The following WFDC1 variants were observed in gnomAD, a reference collection of about 807,000 sequenced individuals.
The protein encoded by WFDC1 is WAP four-disulfide core domain 1.
WFDC1 carries 39 observed loss-of-function variants against 32.9 expected under a neutral mutation model. That is an observed-to-expected ratio of 1.19 (90% CI 0.92 to 1.55). The LOEUF (loss-of-function observed/expected upper bound fraction) is 1.55. Among genes scored for constraint, WFDC1 ranks in the 40% most tolerant of loss-of-function variants. WFDC1 has a pLI of 0.00. For missense variants in WFDC1, 386 were observed against 309.5 expected, an observed-to-expected ratio of 1.25 and a Z score of -1.85; for synonymous variants, 184 against 137.4, an observed-to-expected ratio of 1.34 and a Z score of -2.37.
chr16:84,299,088 C>T lies in WFDC1; in HGVS notation c.144+3973C>T, dbSNP rs903124638. ...ATTCCAGGCCGGGCACAGTGGCTCA[C>T]AGTGGCTCATGCCTGTAATCCCAGC... On this transcript the variant is annotated intron_variant, in intron 1 of 6. Transcript: ENST00000219454. Among the ~76,000 whole-genome samples the T allele has an allele frequency of 5.9e-5, 9 of 152,190 alleles. No homozygotes were observed. The East Asian group carries it at 1.7e-3, about 29-fold the overall frequency.
intron 1 of WFDC1, among the ~76,000 whole-genome samples, chr16:84,303,108 C>A (rs188972692): frequency 1.3e-5 from 2 of 151,514 alleles, no homozygotes; most frequent in African/African-American, 4.9e-5. Flanking sequence ...TTAAGGGCCC[C>A]GGGCACCAGG....
At chr16:84,295,190 A>T in intron 1 of WFDC1, 75 bp downstream of exon 1, 2 of 1,559,612 alleles carry the variant, frequency 1.3e-6, no homozygotes, top group Non-Finnish European at 1.7e-6. Context: ...CGATCCCTAG[A>T]CACTGCCTTC....
At position 84,298,778 on chromosome 16, in the gene WFDC1, TAA is replaced by T. The variant is rs1906759306; in HGVS notation, c.144+3664_144+3665del. On this transcript the variant is annotated intron_variant, in intron 1 of 6. Transcript: ENST00000219454. The stretch of plus-strand genomic sequence containing the variant: ...TGAGTGCTGTTTATGCTTCTTGGTC[TAA>T]GCATGCAGAGACAGTGCCAGAGATG... 2.0e-5 allele frequency among the ~76,000 whole-genome samples: 3 copies of T among 152,302 alleles called. No individual in the cohort carries two copies. In the South Asian group the frequency reaches 6.2e-4, roughly 32 times the overall value.
At chr16:84,307,596 G>T (rs1429658386) in intron 1 of WFDC1, among the ~76,000 whole-genome samples, 1 of 152,168 alleles carries the variant, frequency 6.6e-6, no homozygotes, top group Non-Finnish European at 1.5e-5. Flanking sequence ...CCAGGACTGG[G>T]AGGCATTTGT....
Position 84,294,927 on chromosome 16 carries a change from G to T in WFDC1, c.-45G>T. On this transcript the variant is annotated 5_prime_UTR_variant, in exon 1 of 7. Coordinates refer to ENST00000219454, the MANE Select transcript of WFDC1 (RefSeq NM_021197.4). ...CTCACAGGCCCACGCAGCGAGGGGGGCCCCTCTTCTGTGTGCGTCTGGAAG... is the reference window on the plus strand; with the variant it reads ...CTCACAGGCCCACGCAGCGAGGGGGTCCCCTCTTCTGTGTGCGTCTGGAAG... 1 of 1,588,096 alleles carries T rather than the reference G, an allele frequency of 6.3e-7. No individual in the cohort carries two copies. Among genetic ancestry groups the T allele is most frequent in the Non-Finnish European group, 8.6e-7 (1 of 1,166,912 alleles).
chr16:84,305,253 G>A (rs1354428066), intron 1 of WFDC1, among the ~76,000 whole-genome samples: 2 of 152,250 alleles, frequency 1.3e-5, no homozygotes, highest in Non-Finnish European at 2.9e-5. Context: ...TAAGCCTGGT[G>A]TCTGTGTATG....
At chr16:84,317,229 G>T (rs1340848993) in intron 2 of WFDC1, 2 of 152,010 alleles carry the variant, frequency 1.3e-5, no homozygotes, top group Admixed American at 6.6e-5. Flanking sequence ...GGAGGCAGAG[G>T]TTGCAATGAG....
Position 84,294,998 on chromosome 16 carries a change from C to A in WFDC1, c.27C>A (p.Gly9=). Residue 9 remains glycine, a synonymous_variant, in exon 1 of 7, where the codon GGC becomes GGA. Transcript: ENST00000219454. ...TGCCTTTAACCGGCGTGGGGCCGGGCAGCTGCAGGAGGCAGATCATCCGGG... is the reference window on the plus strand; with the variant it reads ...TGCCTTTAACCGGCGTGGGGCCGGGAAGCTGCAGGAGGCAGATCATCCGGG... MPLTGVGP[G]SCRRQIIRAL... is the part of the protein sequence containing the mutation. 1 of 1,613,900 alleles carries A rather than the reference C, an allele frequency of 6.2e-7. No individual in the cohort carries two copies. The highest frequency in any genetic ancestry group is 8.5e-7 in the Non-Finnish European group (1 of 1,179,854).
At chr16:84,303,491 AAGTC>A (rs924697210) in intron 1 of WFDC1, among the ~76,000 whole-genome samples, 2 of 150,566 alleles carry the variant, frequency 1.3e-5, no homozygotes, top group African/African-American at 2.4e-5. Flanking sequence ...AAAAAAAAAA[AAGTC>A]AGGCAACACA....
chr16:84,312,889 C>T, intron 1 of WFDC1, 72 bp from the exon 2 acceptor site: 2 of 1,004,536 alleles, frequency 2.0e-6, no homozygotes, highest in South Asian at 4.9e-5. Flanking sequence ...TGCCCACCCC[C>T]TTGCAAGCTC....
At chr16:84,323,968 A>G (rs1275345476) in intron 4 of WFDC1, among the ~76,000 whole-genome samples, 2 of 152,214 alleles carry the variant, frequency 1.3e-5, no homozygotes, top group Non-Finnish European at 2.9e-5. Flanking sequence ...TCAAAATACA[A>G]AATTGACTGG....
intron 5 of WFDC1, 60 bp from the exon 6 acceptor site, chr16:84,326,821 CG>C (rs34519449): frequency 3.7e-6 from 6 of 1,602,916 alleles, no homozygotes; most frequent in Middle Eastern, 1.7e-4. Flanking sequence ...TGGTGAGCCA[CG>C]GGGGGCATTA....
rs1156293824 is a variant in WFDC1 at position 84,314,820 on chromosome 16, C to G, written c.337+1667C>G. 3.9e-5 allele frequency among the ~76,000 whole-genome samples: 6 copies of G among 152,344 alleles called. No individual in the cohort carries two copies. In the South Asian group the frequency reaches 8.3e-4, roughly 21 times the overall value. ...CTTATCAAAAATGGTGCCCCTTCCT[C>G]TGGAATGTGACCTGACATAGGGATT... On this transcript the variant is annotated intron_variant, in intron 2 of 6. Coordinates refer to ENST00000219454, the MANE Select transcript of WFDC1 (RefSeq NM_021197.4).
chr16:84,304,553 C>T (rs1355985012), intron 1 of WFDC1, among the ~76,000 whole-genome samples: 1 of 152,140 alleles, frequency 6.6e-6, no homozygotes, highest in African/African-American at 2.4e-5. Context: ...CCAGGTAAGG[C>T]ATACAGAACC....
chr16:84,311,681 A>G (rs1426390596), intron 1 of WFDC1, among the ~76,000 whole-genome samples: 2 of 132,972 alleles, frequency 1.5e-5, no homozygotes, highest in Non-Finnish European at 3.1e-5. Context: ...GGAGAGAATG[A>G]GCATGCCTGA....
intron 6 of WFDC1, chr16:84,327,787 A>C (rs1272474503): frequency 1.3e-5 from 2 of 152,174 alleles, no homozygotes; most frequent in Non-Finnish European, 2.9e-5. Flanking sequence ...ATTTCTGTCA[A>C]ACAATTCTGT....
intron 1 of WFDC1, among the ~76,000 whole-genome samples, chr16:84,302,226 C>T (rs1906983330): frequency 6.6e-6 from 1 of 152,070 alleles, no homozygotes; most frequent in South Asian, 2.1e-4. Context: ...TAGGGGGCAG[C>T]TGTCTGATGA....
At chr16:84,304,973 G>T (rs951533385) in intron 1 of WFDC1, among the ~76,000 whole-genome samples, 1 of 152,218 alleles carries the variant, frequency 6.6e-6, no homozygotes, top group Non-Finnish European at 1.5e-5. Context: ...CCAGTTCCAG[G>T]CTCCTGGGTC....
At chr16:84,327,199 GT>G (rs774904830) in intron 6 of WFDC1, 5 of 464,224 alleles carry the variant, frequency 1.1e-5, no homozygotes, top group East Asian at 7.3e-5. Context: ...TCATTTGTTT[GT>G]TTTTTTAAGA....
Sources: gnomAD v4.1 joint callset for allele counts (sites outside exome capture counted in the v4.1 genomes callset) on GRCh38, gnomAD v4.1.1 for gene constraint, MANE v1.5 for transcripts, NCBI Gene and HGNC (gene_info 2026-07-23, HGNC 2026-07-21) for gene names.